Variants in APP observed in about 807,000 individuals in gnomAD.
The protein encoded by APP is amyloid beta precursor protein.
In APP, 31 loss-of-function variants were observed where a neutral mutation model predicts 101.4. The ratio of observed to expected loss-of-function variants is 0.31; its 90% CI spans 0.23 to 0.41. The LOEUF is 0.41. Among genes scored for constraint, APP ranks in the 10% least tolerant of loss-of-function variants. The probability of loss-of-function intolerance (pLI) is 1.00; values close to 1 mark genes in which losing one functional copy is unlikely to be tolerated. For missense variants in APP, 839 were observed against 1,003.7 expected, an observed-to-expected ratio of 0.84 and a Z score of 2.22; for synonymous variants, 366 against 364.4, an observed-to-expected ratio of 1.00 and a Z score of -0.05.
intron 9 of APP, among the ~76,000 whole-genome samples, chr21:25,981,518 G>A (rs1006785287): frequency 2.0e-5 from 3 of 152,166 alleles, no homozygotes; most frequent in Non-Finnish European, 4.4e-5. Context: ...ATGAATGAAT[G>A]AATGAGGAAT....
intron 13 of APP, among the ~76,000 whole-genome samples, chr21:25,914,764 A>G (rs1260093754): frequency 6.6e-6 from 1 of 152,112 alleles, no homozygotes; most frequent in African/African-American, 2.4e-5. Context: ...CGTGTTAGCC[A>G]GGATGGTCTC....
intron 1 of APP, among the ~76,000 whole-genome samples, chr21:26,114,058 G>A (rs1168652311): frequency 1.3e-5 from 2 of 151,774 alleles, no homozygotes; most frequent in African/African-American, 4.8e-5. Flanking sequence ...AAGATTTCCA[G>A]TCTTGGCAGC....
intron 6 of APP, among the ~76,000 whole-genome samples, chr21:26,012,909 G>A (rs1201167600): frequency 6.6e-6 from 1 of 152,182 alleles, no homozygotes; most frequent in Non-Finnish European, 1.5e-5. Context: ...GAACCTGGGA[G>A]ACGGAGGTTG....
Position 26,136,185 on chromosome 21 carries a change from G to GA in APP, c.58-24040dup, listed in dbSNP as rs2062907501. 5.1e-5 allele frequency among the ~76,000 whole-genome samples: 4 copies of GA among 79,170 alleles called. 1 individual carries two copies. The highest frequency in any genetic ancestry group is 4.8e-4 in the African/African-American group (4 of 8,262). 51.9% of individuals were successfully genotyped at this position (79,170 alleles called of 152,430 possible). Reference sequence around the variant, plus strand: ...AAAAGAAAGAAAAGAAAGAAAGAAAGAAAGAAAGAAAGAAAGAAAAGAAAA... The same window carrying GA: ...AAAAGAAAGAAAAGAAAGAAAGAAAGAAAAGAAAGAAAGAAAGAAAAGAAAA... On this transcript the variant is annotated intron_variant, in intron 1 of 17. Transcript: ENST00000346798.
At chr21:26,072,401 C>T (rs1374034718) in intron 3 of APP, among the ~76,000 whole-genome samples, 1 of 152,138 alleles carries the variant, frequency 6.6e-6, no homozygotes, top group Non-Finnish European at 1.5e-5. Flanking sequence ...AAGCTCTCCT[C>T]ACACTGTAAT....
At chr21:26,004,569 G>T (rs368054412) in intron 6 of APP, among the ~76,000 whole-genome samples, 28 of 152,168 alleles carry the variant, frequency 1.8e-4, no homozygotes, top group African/African-American at 6.8e-4. Flanking sequence ...TGGGATTACA[G>T]GCGTGAGGCA....
chr21:25,911,999 A>G (rs1170346082), intron 13 of APP, 37 bp from the exon 14 acceptor site: 1 of 1,491,122 alleles, frequency 6.7e-7, no homozygotes, highest in African/African-American at 1.4e-5. Flanking sequence ...GTGAGTAACA[A>G]CAATCACAAC....
chr21:25,928,501 G>A (rs934811895), intron 13 of APP, among the ~76,000 whole-genome samples: 18 of 152,130 alleles, frequency 1.2e-4, no homozygotes, highest in African/African-American at 3.9e-4. Context: ...GTATTTAGGT[G>A]TAAAGGGCCA....
rs557202608 is a variant in APP at position 26,035,505 on chromosome 21, T to C, written c.663-13463A>G. On this transcript the variant is annotated intron_variant, in intron 5 of 17. Transcript: ENST00000346798. ...CAAATACACTAATACCTGTAAGGAA[T>C]GTAGGAGGTCAAACCTGACACCAAC... Among the ~76,000 whole-genome samples, 14 of 152,242 alleles carry C rather than the reference T, an allele frequency of 9.2e-5. No individual in the cohort carries two copies. In the South Asian group the frequency reaches 2.9e-3, roughly 32 times the overall value.
intron 1 of APP, among the ~76,000 whole-genome samples, chr21:26,151,248 AATCATGT>A (rs3838075): frequency 0.46 from 69,430 of 151,484 alleles, 16,299 homozygotes; most frequent in African/African-American, 0.56. Flanking sequence ...ATATCCGTGT[AATCATGT>A]AACCCACTTC....
intron 8 of APP, among the ~76,000 whole-genome samples, chr21:25,996,496 C>T (rs1215546135): frequency 1.3e-5 from 2 of 152,064 alleles, no homozygotes; most frequent in African/African-American, 4.8e-5. Context: ...TTGATGTAAC[C>T]GAGTACTCTA....
chr21:26,005,978 A>G (rs1202407202), intron 6 of APP, among the ~76,000 whole-genome samples: 2 of 152,172 alleles, frequency 1.3e-5, no homozygotes, highest in Non-Finnish European at 2.9e-5. Flanking sequence ...AAAGAAAACA[A>G]ATTTAAGAAA....
At chr21:26,001,195 C>T (rs935918947) in intron 6 of APP, among the ~76,000 whole-genome samples, 6 of 152,214 alleles carry the variant, frequency 3.9e-5, no homozygotes, top group African/African-American at 1.4e-4. Context: ...TACCTGTCAA[C>T]ATGTCTTGCC....
At chr21:25,983,980 A>AT (rs1396274310) in intron 8 of APP, among the ~76,000 whole-genome samples, 5 of 152,280 alleles carry the variant, frequency 3.3e-5, no homozygotes, top group Non-Finnish European at 5.9e-5. Context: ...CCATGTTTCA[A>AT]TTTTTTTATC....
At chr21:25,969,256 G>A (rs2041914560) in intron 11 of APP, among the ~76,000 whole-genome samples, 1 of 148,498 alleles carries the variant, frequency 6.7e-6, no homozygotes, top group Admixed American at 6.8e-5. Flanking sequence ...GCTGAGGCTG[G>A]AGAATGGTGT....
chr21:25,949,874 C>T (rs1185067412), intron 13 of APP, among the ~76,000 whole-genome samples: 1 of 152,180 alleles, frequency 6.6e-6, no homozygotes, highest in Non-Finnish European at 1.5e-5. Flanking sequence ...TCTTGGCTTC[C>T]ACCCCACTTT....
intron 13 of APP, among the ~76,000 whole-genome samples, chr21:25,923,253 G>A (rs1753225074): frequency 7.6e-6 from 1 of 131,332 alleles, no homozygotes; most frequent in African/African-American, 3.2e-5. Flanking sequence ...AGATTTAAAC[G>A]TTAGACCTAA....
chr21:26,053,476 A>G, intron 3 of APP, 128 bp from the exon 4 acceptor site: 1 of 711,402 alleles, frequency 1.4e-6, no homozygotes, highest in African/African-American at 1.7e-5. Flanking sequence ...CAACCCAATC[A>G]AGACCCTACT....
At chr21:25,994,359 G>T (rs1240231582) in intron 8 of APP, among the ~76,000 whole-genome samples, 2 of 151,838 alleles carry the variant, frequency 1.3e-5, no homozygotes, top group East Asian at 3.9e-4. Context: ...GAATTCCTAT[G>T]TTCACGAATA....
Sources: gnomAD v4.1 joint callset for allele counts (sites outside exome capture counted in the v4.1 genomes callset) on GRCh38, gnomAD v4.1.1 for gene constraint, MANE v1.5 for transcripts, NCBI Gene and HGNC (gene_info 2026-07-23, HGNC 2026-07-21) for gene names.